RBMS1: variants seen among roughly 807,000 people sequenced by gnomAD.
RBMS1 encodes RNA binding motif single stranded interacting protein 1.
RBMS1 carries 17 observed loss-of-function variants against 62.3 expected under a neutral mutation model. The ratio of observed to expected loss-of-function variants is 0.27; its 90% CI spans 0.19 to 0.41. The LOEUF is 0.41. Among genes scored for constraint, RBMS1 ranks in the 10% least tolerant of loss-of-function variants. RBMS1 has a pLI of 1.00. For missense variants in RBMS1, 334 were observed against 504.5 expected (o/e 0.66, Z 3.24); for synonymous variants, 172 against 170.0 (o/e 1.01, Z -0.09).
At chr2:160,485,129 G>A (rs1332670084) in intron 1 of RBMS1, among the ~76,000 whole-genome samples, 1 of 152,078 alleles carries the variant, frequency 6.6e-6, no homozygotes, top group South Asian at 2.1e-4. Flanking sequence ...TTTTAATTAG[G>A]GGGAAAAGGG....
chr2:160,452,500 TTATAC>T (rs1190448070), intron 1 of RBMS1, among the ~76,000 whole-genome samples: 1 of 152,196 alleles, frequency 6.6e-6, no homozygotes, highest in Non-Finnish European at 1.5e-5. Context: ...TAAATAGTGG[TTATAC>T]TATATTTTTT....
At chr2:160,470,818 C>A (rs1684886055) in intron 1 of RBMS1, among the ~76,000 whole-genome samples, 1 of 151,932 alleles carries the variant, frequency 6.6e-6, no homozygotes, top group Admixed American at 6.5e-5. Context: ...AATATCTGTG[C>A]AATGAATGTT....
chr2:160,329,445 C>T (rs1156701471), intron 2 of RBMS1, among the ~76,000 whole-genome samples: 1 of 152,158 alleles, frequency 6.6e-6, no homozygotes, highest in African/African-American at 2.4e-5. Context: ...TGATTTCTTA[C>T]TGGTTTGTCT....
At chr2:160,303,936 C>G (rs1004139481) in intron 4 of RBMS1, among the ~76,000 whole-genome samples, 8 of 152,148 alleles carry the variant, frequency 5.3e-5, no homozygotes, top group Admixed American at 2.6e-4. Context: ...CAATAGGGAT[C>G]TGCCTAAATT....
intron 1 of RBMS1, among the ~76,000 whole-genome samples, chr2:160,482,347 A>G (rs1225184656): frequency 6.6e-6 from 1 of 152,250 alleles, no homozygotes; most frequent in Non-Finnish European, 1.5e-5. Context: ...ATGTTATATC[A>G]TCACCTGAGT....
At chr2:160,345,145 T>C (rs1692105159) in intron 2 of RBMS1, among the ~76,000 whole-genome samples, 1 of 152,118 alleles carries the variant, frequency 6.6e-6, no homozygotes, top group African/African-American at 2.4e-5. Context: ...TTTCTTCCTA[T>C]TGTGAAACCC....
In RBMS1 at chr2:160,275,592, A is replaced by C. The variant is rs375505550; in HGVS notation, c.*7+38T>G. ...AAAAAAGCCCTATAGATTGTGCTTG[A>C]TTTGAGCCCCCCAGTTATGAAGACC... On this transcript the variant is annotated intron_variant, in intron 13 of 13. Coordinates refer to ENST00000348849, the MANE Select transcript of RBMS1 (RefSeq NM_016836.4). 3.7e-6 allele frequency: 6 copies of C among 1,604,476 alleles called. No homozygotes were observed. The African/African-American group carries it at 5.4e-5, about 14-fold the overall frequency.
chr2:160,283,757 G>A (rs1235981733), intron 9 of RBMS1: 4 of 152,134 alleles, frequency 2.6e-5, no homozygotes, highest in African/African-American at 9.7e-5. Context: ...GAGTGATAAT[G>A]ATATGTGAGG....
intron 2 of RBMS1, among the ~76,000 whole-genome samples, chr2:160,334,788 TC>T (rs1691475951): frequency 6.6e-6 from 1 of 152,082 alleles, no homozygotes; most frequent in Admixed American, 6.6e-5. Context: ...TAGTCACCAT[TC>T]CAGGCTAAGT....
chr2:160,275,669 G>A lies in RBMS1; in HGVS notation c.1189C>T (p.His397Tyr). Reference sequence around the variant, plus strand: ...TTAGGTTGAAAGGTATATGGAGAATGGTCATTAGACGTCTCGACAGCCACC... The same window carrying A: ...TTAGGTTGAAAGGTATATGGAGAATAGTCATTAGACGTCTCGACAGCCACC... ...QQVAVETSNDHSPYTFQPNK is the reference protein window; with the variant it reads ...QQVAVETSNDYSPYTFQPNK Residue 397 changes from histidine to tyrosine, a missense_variant, in exon 13 of 14, where the codon CAT (histidine) becomes TAT (tyrosine). Transcript: ENST00000348849. 4 of 1,613,732 alleles carry A rather than the reference G, an allele frequency of 2.5e-6. No individual in the cohort carries two copies. Among genetic ancestry groups the A allele is most frequent in the Non-Finnish European group, 3.4e-6 (4 of 1,179,754 alleles).
chr2:160,307,973 A>C (rs1486643793), intron 4 of RBMS1, among the ~76,000 whole-genome samples: 1 of 152,170 alleles, frequency 6.6e-6, no homozygotes, highest in African/African-American at 2.4e-5. Context: ...GATTGCCCTT[A>C]ATTTTTTTCT....
intron 1 of RBMS1, among the ~76,000 whole-genome samples, chr2:160,466,408 C>T (rs1201852220): frequency 2.0e-5 from 3 of 152,028 alleles, no homozygotes; most frequent in Non-Finnish European, 4.4e-5. Flanking sequence ...GGAAAAAACC[C>T]TCTAAATTAG....
chr2:160,275,062 G>A (rs999749673), intron 13 of RBMS1, among the ~76,000 whole-genome samples: 1 of 152,112 alleles, frequency 6.6e-6, no homozygotes, highest in African/African-American at 2.4e-5. Context: ...AGAAACCAAG[G>A]TATTCTATAT....
intron 1 of RBMS1, among the ~76,000 whole-genome samples, chr2:160,470,652 T>C (rs1684877902): frequency 7.4e-6 from 1 of 134,648 alleles, no homozygotes; most frequent in African/African-American, 2.6e-5. Flanking sequence ...CTCTAGTTTT[T>C]CTGCAGATCT....
chr2:160,323,621 A>C (rs1428785939), intron 2 of RBMS1, among the ~76,000 whole-genome samples: 24 of 151,674 alleles, frequency 1.6e-4, no homozygotes, highest in African/African-American at 7.3e-5. Context: ...AGAAAAAAAA[A>C]AAAAAAAAAA....
intron 1 of RBMS1, among the ~76,000 whole-genome samples, chr2:160,450,857 C>T (rs950321260): frequency 6.6e-6 from 1 of 152,096 alleles, no homozygotes; most frequent in African/African-American, 2.4e-5. Context: ...AAAACAACAA[C>T]AACAACAAAC....
At chr2:160,424,370 G>C (rs6746839) in intron 1 of RBMS1, among the ~76,000 whole-genome samples, 6 of 148,650 alleles carry the variant, frequency 4.0e-5, no homozygotes, top group Admixed American at 4.0e-4. Context: ...GAGATTGGGG[G>C]GGGGGGGAAA....
chr2:160,274,890 T>C (rs1687750128), intron 13 of RBMS1, 126 bp from the exon 14 acceptor site: 1 of 152,664 alleles, frequency 6.6e-6, no homozygotes, highest in South Asian at 2.1e-4. Context: ...TCACTGATGG[T>C]AGACTGATAA....
chr2:160,439,620 A>G (rs371981138), intron 1 of RBMS1, among the ~76,000 whole-genome samples: 5 of 137,638 alleles, frequency 3.6e-5, no homozygotes, highest in African/African-American at 8.3e-5. Context: ...ATGGGCGGCC[A>G]GGCGGAGACG....
Sources: gnomAD v4.1 joint callset for allele counts (sites outside exome capture counted in the v4.1 genomes callset) on GRCh38, gnomAD v4.1.1 for gene constraint, MANE v1.5 for transcripts, NCBI Gene and HGNC (gene_info 2026-07-23, HGNC 2026-07-21) for gene names.